The following FAM13B variants were observed in gnomAD, a reference collection of about 807,000 sequenced individuals.
FAM13B encodes the protein protein FAM13B.
In FAM13B, 60 loss-of-function variants were observed where a neutral mutation model predicts 117.3. The observed-to-expected ratio is 0.51, with a 90% CI of 0.42 to 0.63. The LOEUF (loss-of-function observed/expected upper bound fraction) is 0.63, where lower values mean the gene tolerates loss of function less well. FAM13B is among the 30% of genes least tolerant of loss of function. The pLI is 0.00. For missense variants in FAM13B, 972 were observed against 1,091.9 expected, an observed-to-expected ratio of 0.89 and a Z score of 1.55; for synonymous variants, 332 against 356.1, an observed-to-expected ratio of 0.93 and a Z score of 0.76.
At position 137,956,512 on chromosome 5, in the gene FAM13B, T is replaced by A; in HGVS notation, c.1472A>T (p.Asp491Val). Reference protein sequence around the residue: ...ASCPITFPLIDFKTMHLQRDG... With the variant: ...ASCPITFPLIVFKTMHLQRDG... ...TCTCTGCAGATGCATTGTTTTGAAA[T>A]CAATGAGGGGAAAAGTGATAGGGCA... is the stretch of plus-strand genomic sequence containing the variant. Residue 491 changes from aspartate to valine, a missense_variant, in exon 14 of 24, where the codon GAT becomes GTT. Physicochemically the swap from Asp to Val is radical, Grantham distance 152. Transcript: ENST00000689681. 6.2e-7 allele frequency: 1 copy of A among 1,600,806 alleles called. No homozygotes were observed. Among genetic ancestry groups the A allele is most frequent in the Non-Finnish European group, 8.5e-7 (1 of 1,173,270 alleles).
intron 7 of FAM13B, among the ~76,000 whole-genome samples, chr5:137,999,872 C>G (rs1301569022): frequency 6.6e-6 from 1 of 152,098 alleles, no homozygotes; most frequent in Non-Finnish European, 1.5e-5. Flanking sequence ...CAGTCTAACT[C>G]ATGAGGACCC....
At chr5:137,976,915 A>G (rs1581151176) in intron 10 of FAM13B, among the ~76,000 whole-genome samples, 1 of 152,322 alleles carries the variant, frequency 6.6e-6, no homozygotes, top group African/African-American at 2.4e-5. Flanking sequence ...AAAGAACAGG[A>G]TAACAGCAAT....
At chr5:137,975,692 CCT>C (rs1773701673) in intron 10 of FAM13B, among the ~76,000 whole-genome samples, 1 of 152,148 alleles carries the variant, frequency 6.6e-6, no homozygotes, top group African/African-American at 2.4e-5. Flanking sequence ...CTATATATCC[CCT>C]TTTACTGAAG....
At position 137,953,467 on chromosome 5, in the gene FAM13B, T is replaced by C. The variant is rs1474768371; in HGVS notation, c.1719-2A>G. 6.2e-7 allele frequency: 1 copy of C among 1,613,294 alleles called. No individual in the cohort carries two copies. The highest frequency in any genetic ancestry group is 1.3e-5 in the African/African-American group (1 of 74,906). Reference sequence around the variant, plus strand: ...GAACTAAAGGATGATCTTCGAATTCTGAATTAAAACAAAAGGCCAACACTG... The same window carrying C: ...GAACTAAAGGATGATCTTCGAATTCCGAATTAAAACAAAAGGCCAACACTG... On this transcript the variant is annotated splice_acceptor_variant, in intron 15 of 23. Coordinates refer to ENST00000689681, the MANE Select transcript of FAM13B (RefSeq NM_001385994.1). LOFTEE classifies it high-confidence loss of function.
At chr5:137,980,440 C>CTTTTTT (rs11309404) in intron 10 of FAM13B, among the ~76,000 whole-genome samples, 1 of 84,954 alleles carries the variant, frequency 1.2e-5, no homozygotes, top group African/African-American at 4.3e-5. Flanking sequence ...ACACTAATTT[C>CTTTTTT]TTTTTTTTTT....
At chr5:138,044,586 T>C (rs1006225039) in intron 1 of FAM13B, among the ~76,000 whole-genome samples, 4 of 144,510 alleles carry the variant, frequency 2.8e-5, no homozygotes, top group South Asian at 2.2e-4. Context: ...TATAAGACAA[T>C]GTCTTCGTGA....
chr5:137,979,531 A>C (rs1476541079), intron 10 of FAM13B, among the ~76,000 whole-genome samples: 1 of 152,208 alleles, frequency 6.6e-6, no homozygotes, highest in African/African-American at 2.4e-5. Context: ...TCCAGGCTCT[A>C]CGTATGACCC....
intron 4 of FAM13B, among the ~76,000 whole-genome samples, chr5:138,013,207 A>C (rs936449811): frequency 1.3e-5 from 2 of 151,028 alleles, no homozygotes; most frequent in African/African-American, 4.9e-5. Context: ...TGTCTCAAAA[A>C]GAAAAAAAAA....
intron 1 of FAM13B, among the ~76,000 whole-genome samples, chr5:138,049,330 A>G (rs980838684): frequency 1.3e-5 from 2 of 151,564 alleles, no homozygotes; most frequent in Non-Finnish European, 2.9e-5. Context: ...CTGGAATACA[A>G]TGGCGTGATC....
intron 10 of FAM13B, among the ~76,000 whole-genome samples, chr5:137,972,410 A>AC (rs1316328103): frequency 3.9e-5 from 6 of 152,108 alleles, no homozygotes; most frequent in Non-Finnish European, 8.8e-5. Context: ...AAATTCAACA[A>AC]CCTTCATGCT....
intron 7 of FAM13B, among the ~76,000 whole-genome samples, chr5:137,999,508 G>A (rs547711126): frequency 4.6e-5 from 7 of 151,476 alleles, no homozygotes; most frequent in Middle Eastern, 3.4e-3. Context: ...CCCAGGAGGC[G>A]GAGGCTGCAG....
intron 10 of FAM13B, among the ~76,000 whole-genome samples, chr5:137,967,219 T>A (rs1176732589): frequency 2.0e-5 from 3 of 151,838 alleles, no homozygotes; most frequent in Non-Finnish European, 4.4e-5. Flanking sequence ...AGAAAGTAGG[T>A]AGTTCCTTAA....
intron 1 of FAM13B, among the ~76,000 whole-genome samples, chr5:138,040,346 G>C (rs760120622): frequency 6.7e-6 from 1 of 149,558 alleles, no homozygotes; most frequent in African/African-American, 2.5e-5. Context: ...GAGGCGGGCC[G>C]ATCACAAGGT....
intron 10 of FAM13B, among the ~76,000 whole-genome samples, chr5:137,984,461 G>A (rs1343341253): frequency 6.6e-6 from 1 of 152,032 alleles, no homozygotes; most frequent in Non-Finnish European, 1.5e-5. Context: ...TTTGTTTCAG[G>A]ACATGATGGT....
chr5:137,983,312 T>C (rs116532296), intron 10 of FAM13B, among the ~76,000 whole-genome samples: 384 of 151,176 alleles, frequency 2.5e-3, no homozygotes, highest in African/African-American at 8.9e-3. Flanking sequence ...AAGTAAAACA[T>C]TCAACAGACA....
At chr5:138,001,946 A>G (rs1215891958) in intron 7 of FAM13B, among the ~76,000 whole-genome samples, 6 of 152,348 alleles carry the variant, frequency 3.9e-5, no homozygotes, top group African/African-American at 1.2e-4. Context: ...AAAAACGGGT[A>G]CAGCAGTTAG....
At chr5:137,969,389 A>C (rs920207914) in intron 10 of FAM13B, among the ~76,000 whole-genome samples, 1 of 152,228 alleles carries the variant, frequency 6.6e-6, no homozygotes, top group Admixed American at 6.5e-5. Flanking sequence ...ACAGACCTGC[A>C]GCTGAGGGTC....
At chr5:138,024,797 A>G (rs1269994158) in intron 1 of FAM13B, among the ~76,000 whole-genome samples, 4 of 29,602 alleles carry the variant, frequency 1.4e-4, no homozygotes, top group Non-Finnish European at 2.2e-4. Flanking sequence ...AAATTTATAC[A>G]CACACACACA....
At chr5:137,965,497 G>C (rs887198397) in intron 10 of FAM13B, among the ~76,000 whole-genome samples, 1 of 152,152 alleles carries the variant, frequency 6.6e-6, no homozygotes, top group African/African-American at 2.4e-5. Flanking sequence ...CATAATTGGT[G>C]CACCCACCTT....
Sources: gnomAD v4.1 joint callset for allele counts (sites outside exome capture counted in the v4.1 genomes callset) on GRCh38, gnomAD v4.1.1 for gene constraint, MANE v1.5 for transcripts, NCBI Gene and HGNC (gene_info 2026-07-23, HGNC 2026-07-21) for gene names.